SYN1: variants seen among roughly 807,000 people sequenced by gnomAD.
SYN1 encodes the protein synapsin-1.
Under a neutral mutation model 44.6 loss-of-function variants are expected in SYN1, and 8 were observed. The ratio of observed to expected loss-of-function variants is 0.18; its 90% CI spans 0.11 to 0.32. The LOEUF is 0.32. SYN1 is among the 10% of genes least tolerant of loss of function. The probability of loss-of-function intolerance (pLI) is 1.00; values close to 1 mark genes in which losing one functional copy is unlikely to be tolerated. For synonymous variants in SYN1, 275 were observed against 280.1 expected (o/e 0.98, Z 0.18); for missense variants, 451 against 639.4 (o/e 0.71, Z 3.18).
At position 47,574,043 on chromosome X, in the gene SYN1, G is replaced by A. The variant is rs1191688222; in HGVS notation, c.1941C>T (p.Pro647=). The A allele has an allele frequency of 1.7e-6, 2 of 1,153,240 alleles. No homozygotes were observed. The part of the protein sequence containing the change: ...AQKPSQDVPP[P]ATAAAGGPPH... ...GAGGTCCCCCTGCAGCGGCGGTGGC[G>A]GGTGGCGGCACGTCCTGGCTGGGTT... Residue 647 remains proline (P), a synonymous_variant, in exon 12 of 13, where the codon CCC becomes CCT. Transcript: ENST00000295987.
chrX:47,606,916 T>C (rs2057899447), intron 3 of SYN1, 29 bp downstream of exon 3: 1 of 1,186,673 alleles, frequency 8.4e-7, no homozygotes, highest in African/African-American at 1.8e-5. Context: ...GCCTTGCTCA[T>C]AACACCAAGG....
chrX:47,585,953 G>A, intron 5 of SYN1: 1 of 1,076,491 alleles, frequency 9.3e-7, no homozygotes, highest in Non-Finnish European at 1.2e-6. Context: ...CCCCGTTCCT[G>A]AGCCCCCGGG....
chrX:47,604,066 C>T (rs1468435561), intron 5 of SYN1, among the ~76,000 whole-genome samples: 4 of 108,721 alleles, frequency 3.7e-5, no homozygotes, highest in Non-Finnish European at 7.6e-5. Flanking sequence ...CACCACCACG[C>T]CGGGCTAATT....
intron 5 of SYN1, among the ~76,000 whole-genome samples, chrX:47,589,544 TGAG>T (rs1481257010): frequency 1.0e-5 from 1 of 95,600 alleles, no homozygotes; most frequent in East Asian, 3.2e-4. Context: ...TGCAGTGAGC[TGAG>T]ATCAAGCCAC....
chrX:47,617,994 G>T (rs1478316333), intron 1 of SYN1, among the ~76,000 whole-genome samples: 3 of 111,986 alleles, frequency 2.7e-5, no homozygotes, highest in Non-Finnish European at 3.8e-5. Flanking sequence ...GCAGAAAGTT[G>T]ATCTATGGGA....
At chrX:47,577,301 A>G in intron 6 of SYN1, 138 bp downstream of exon 6, 1 of 651,153 alleles carries the variant, frequency 1.5e-6, no homozygotes. Flanking sequence ...TTTTTACCAT[A>G]AGAACTGGCA....
At chrX:47,583,778 G>A (rs2057810232) in intron 5 of SYN1, among the ~76,000 whole-genome samples, 1 of 112,004 alleles carries the variant, frequency 8.9e-6, no homozygotes, top group African/African-American at 3.2e-5. Flanking sequence ...ATGGGTGGCT[G>A]CCTCAAACGT....
In SYN1 at chrX:47,585,347, C is replaced by T. The variant is rs188048372; in HGVS notation, c.775-7846G>A. Reference sequence around the variant, plus strand: ...CTCATTGCTGGTGAGGCACCGTCCCCGCGCCCTGTGCCACACCAACCAGTC... The same window carrying T: ...CTCATTGCTGGTGAGGCACCGTCCCTGCGCCCTGTGCCACACCAACCAGTC... On this transcript the variant is annotated intron_variant, in intron 5 of 12. Coordinates refer to ENST00000295987, the MANE Select transcript of SYN1 (RefSeq NM_006950.3). 2,241 of 1,209,569 alleles carry T rather than the reference C, an allele frequency of 1.9e-3. 3 individuals carry two copies. Among genetic ancestry groups the T allele is most frequent in the Non-Finnish European group, 2.2e-3 (1,991 of 894,908 alleles).
At chrX:47,595,746 G>T (rs1325517385) in intron 5 of SYN1, among the ~76,000 whole-genome samples, 2 of 111,677 alleles carry the variant, frequency 1.8e-5, no homozygotes, top group Non-Finnish European at 3.8e-5. Flanking sequence ...CTAGTTCCCA[G>T]ATCTTGGCTT....
chrX:47,602,382 G>T (rs911987243), intron 5 of SYN1, among the ~76,000 whole-genome samples: 12 of 112,060 alleles, frequency 1.1e-4, no homozygotes, highest in African/African-American at 3.9e-4. Context: ...GATTCAAGCC[G>T]GGCATGGTGG....
chrX:47,603,785 T>C (rs750272832), intron 5 of SYN1, among the ~76,000 whole-genome samples: 3 of 110,420 alleles, frequency 2.7e-5, no homozygotes, highest in African/African-American at 9.8e-5. Context: ...GTAATGATTA[T>C]TCAATTTCTA....
chrX:47,605,635 G>C (rs1329548380), intron 3 of SYN1, among the ~76,000 whole-genome samples: 1 of 111,118 alleles, frequency 9.0e-6, no homozygotes, highest in Non-Finnish European at 1.9e-5. Context: ...ACACAGCTCT[G>C]ACAACTCCCT....
At chrX:47,578,632 C>T (rs1250686787) in intron 5 of SYN1, among the ~76,000 whole-genome samples, 1 of 111,759 alleles carries the variant, frequency 8.9e-6, no homozygotes, top group Non-Finnish European at 1.9e-5. Context: ...CCTCAAGTCT[C>T]CCCCGCTCCT....
chrX:47,607,294 A>C, intron 1 of SYN1, 96 bp from the exon 2 acceptor site: 1 of 732,279 alleles, frequency 1.4e-6, no homozygotes, highest in African/African-American at 2.1e-5. Flanking sequence ...AATGCTACTA[A>C]AGAAACCACA....
chrX:47,604,954 C>A, intron 5 of SYN1, 24 bp downstream of exon 5: 1 of 1,170,584 alleles, frequency 8.5e-7, no homozygotes, highest in Non-Finnish European at 1.2e-6. Context: ...TCCCTCCTGC[C>A]CACTCTATTT....
intron 10 of SYN1, 82 bp from the exon 11 acceptor site, chrX:47,574,857 T>C: frequency 1.0e-6 from 1 of 956,725 alleles, no homozygotes; most frequent in Non-Finnish European, 1.5e-6. Flanking sequence ...ACAGGTTCCC[T>C]GTGCGCTGGG....
chrX:47,619,341 C>T lies in SYN1; in HGVS notation c.377+11G>A, dbSNP rs764039711. 1.7e-6 allele frequency: 2 copies of T among 1,199,646 alleles called. No individual in the cohort carries two copies. The highest frequency in any genetic ancestry group is 3.5e-5 in the African/African-American group (2 of 57,351). On this transcript the variant is annotated intron_variant, in intron 1 of 12. Transcript: ENST00000295987. Reference sequence around the variant, plus strand: ...CCAGGCCCACGGGAGACGTCCGCGGCAGTGGCTTACCAGTCGGTGTGCGGC... The same window carrying T: ...CCAGGCCCACGGGAGACGTCCGCGGTAGTGGCTTACCAGTCGGTGTGCGGC...
At chrX:47,579,270 C>A (rs1349983849) in intron 5 of SYN1, among the ~76,000 whole-genome samples, 1 of 111,450 alleles carries the variant, frequency 9.0e-6, no homozygotes, top group Non-Finnish European at 1.9e-5. Context: ...TGAGCCTGAA[C>A]ACAACGCTCT....
chrX:47,600,534 A>C (rs1220853069), intron 5 of SYN1, among the ~76,000 whole-genome samples: 2 of 111,965 alleles, frequency 1.8e-5, no homozygotes, highest in Non-Finnish European at 3.8e-5. Context: ...TAAACCAATT[A>C]GACCTCATAA....
Sources: allele counts gnomAD v4.1 joint callset (sites outside exome capture counted in the v4.1 genomes callset), GRCh38; gene constraint gnomAD v4.1.1; transcripts MANE v1.5; gene names NCBI Gene and HGNC (gene_info 2026-07-23, HGNC 2026-07-21).